Variants in MGST1 observed in about 807,000 individuals in gnomAD.
The protein encoded by MGST1 is microsomal glutathione S-transferase 1, also known as glutathione S-transferase 12.
MGST1 carries 5 observed loss-of-function variants against 8.9 expected under a neutral mutation model. The observed-to-expected ratio is 0.56, with a 90% confidence interval of 0.29 to 1.19. MGST1 has a LOEUF of 1.19. Among genes scored for constraint, MGST1 ranks in the 50% most tolerant of loss-of-function variants. MGST1 has a pLI of 0.08. For synonymous variants in MGST1, 54 were observed against 67.8 expected (o/e 0.80, Z 1.00); for missense variants, 182 against 187.4 (o/e 0.97, Z 0.17).
chr12:16,558,976 A>C (rs1389314615), intron 4 of MGST1, among the ~76,000 whole-genome samples: 1 of 152,112 alleles, frequency 6.6e-6, no homozygotes, highest in Non-Finnish European at 1.5e-5. Context: ...CACACAGCTA[A>C]TATATCAGCT....
At chr12:16,423,439 AT>A (rs1940858889) in intron 1 of MGST1, among the ~76,000 whole-genome samples, 1 of 149,874 alleles carries the variant, frequency 6.7e-6, no homozygotes, top group African/African-American at 2.4e-5. Context: ...TACAAAAAAA[AT>A]TCTTGTTGTC....
chr12:16,369,534 A>G lies in MGST1; in HGVS notation c.222-6588A>G, dbSNP rs981878119. On this transcript the variant is annotated intron_variant, in intron 3 of 3. Transcript: ENST00000535309. This position sits in a 1 kb window ranked among gnomAD's most constrained non-coding sequence, Gnocchi z 4.8. ...TCCCATGTGTCTTATCCTGTACTAC[A>G]GTGCTCAGCAAACTATGGACTCTGG... 6.6e-6 allele frequency among the ~76,000 whole-genome samples: 1 copy of G among 152,176 alleles called. No individual in the cohort carries two copies. The highest frequency in any genetic ancestry group is 1.5e-5 in the Non-Finnish European group (1 of 68,030).
intron 4 of MGST1, chr12:16,514,200 C>A: frequency 3.2e-6 from 1 of 309,520 alleles, no homozygotes; most frequent in South Asian, 3.0e-5. Context: ...ATTGTCGCTG[C>A]CAATCATACA....
At chr12:16,511,612 A>G (rs2137179631) in intron 4 of MGST1, among the ~76,000 whole-genome samples, 1 of 152,348 alleles carries the variant, frequency 6.6e-6, no homozygotes, top group African/African-American at 2.4e-5. Flanking sequence ...TGCTCCCTTT[A>G]GGCTAAGAAA....
chr12:16,432,320 A>C (rs1482102409), intron 1 of MGST1, among the ~76,000 whole-genome samples: 1 of 152,126 alleles, frequency 6.6e-6, no homozygotes, highest in Non-Finnish European at 1.5e-5. Context: ...ATTCCACCAC[A>C]ATCTCTTTGA....
intron 1 of MGST1, among the ~76,000 whole-genome samples, chr12:16,416,019 C>G (rs577275751): frequency 6.6e-6 from 1 of 152,030 alleles, no homozygotes; most frequent in South Asian, 2.1e-4. Flanking sequence ...ATTTAGTAGT[C>G]CTTTTCATGT....
downstream of MGST1, among the ~76,000 whole-genome samples, chr12:16,381,118 T>C (rs1295625487): frequency 6.6e-6 from 1 of 152,232 alleles, no homozygotes; most frequent in Admixed American, 6.5e-5. Flanking sequence ...GTCTTTTAAT[T>C]GGAGCATTTA....
downstream of MGST1, among the ~76,000 whole-genome samples, chr12:16,380,325 G>T (rs926714785): frequency 6.6e-6 from 1 of 152,186 alleles, no homozygotes; most frequent in Non-Finnish European, 1.5e-5. Context: ...GTGTGCCAGA[G>T]ATTCTGGTAT....
chr12:16,453,541 G>C (rs1266718715), intron 4 of MGST1, among the ~76,000 whole-genome samples: 1 of 151,830 alleles, frequency 6.6e-6, no homozygotes, highest in Non-Finnish European at 1.5e-5. Flanking sequence ...TATGAAATAA[G>C]GTATATCAGT....
chr12:16,409,648 T>A (rs1940727260), intron 1 of MGST1, among the ~76,000 whole-genome samples: 2 of 152,142 alleles, frequency 1.3e-5, no homozygotes, highest in African/African-American at 4.8e-5. Flanking sequence ...GGAGACAAAT[T>A]TCTAAGCCTT....
In MGST1 at chr12:16,513,863, C is replaced by A; in HGVS notation, n.483-75665C>A. ...CAAGATGTCTTTCTGCCCAAACCAA[C>A]CTGGGGAAGTCGCACACCCATCTTC... On this transcript the variant is annotated intron_variant and non_coding_transcript_variant, in intron 4 of 4. Coordinates refer to the MGST1 transcript ENST00000538857. The surrounding 1 kb of genome is among the most constrained non-coding windows in gnomAD (Gnocchi z 4.2). 1 of 612,054 alleles carries A rather than the reference C, an allele frequency of 1.6e-6. No homozygotes were observed. The highest frequency in any genetic ancestry group is 2.0e-5 in the Admixed American group (1 of 50,896). 37.9% of individuals were successfully genotyped at this position (612,054 alleles called of 1,614,324 possible).
rs1212406144 is a variant in MGST1 at position 16,437,805 on chromosome 12, C to G, written n.1196C>G. The G allele has an allele frequency of 5.9e-5, 9 of 151,890 alleles. No homozygotes were observed. In the East Asian group the frequency reaches 1.7e-3, roughly 30 times the overall value. The allele number at this position is 151,890 out of a possible 1,614,324, so 9.4% of individuals were successfully genotyped here. ...GAAACAGAATAAATGAAAATTAACG[C>G]CCCACAGATGTATTTATCCACAAAT... is the stretch of plus-strand genomic sequence containing the variant. On this transcript the variant is annotated non_coding_transcript_exon_variant, in exon 2 of 2. Transcript: ENST00000359720.
intron 1 of MGST1, among the ~76,000 whole-genome samples, chr12:16,386,678 C>T (rs932527563): frequency 6.6e-6 from 1 of 152,132 alleles, no homozygotes; most frequent in Non-Finnish European, 1.5e-5. Context: ...TTTGCGAACA[C>T]CCAAACTGTG....
At chr12:16,446,983 A>G (rs1941085479) in intron 4 of MGST1, among the ~76,000 whole-genome samples, 1 of 151,890 alleles carries the variant, frequency 6.6e-6, no homozygotes, top group Non-Finnish European at 1.5e-5. Flanking sequence ...CTCACATCAT[A>G]TAGTCTTTGC....
chr12:16,439,638 G>T (rs1481679570), downstream of MGST1, among the ~76,000 whole-genome samples: 2 of 151,742 alleles, frequency 1.3e-5, no homozygotes, highest in East Asian at 3.9e-4. Context: ...GGTAGAAGGT[G>T]CATGAAAACT....
rs1423127292 is a variant in MGST1, at chr12:16,548,211, T to TAAAC, written n.483-41315_483-41312dup. 2.6e-5 allele frequency among the ~76,000 whole-genome samples: 4 copies of TAAAC among 152,188 alleles called. No individual in the cohort carries two copies. Among genetic ancestry groups the TAAAC allele is most frequent in the African/African-American group, 9.7e-5 (4 of 41,448 alleles). ...GGTAAACGACCTAGCGCAGAGATCC[T>TAAAC]AAACATTACATTCAGAGAAACATTT... On this transcript the variant is annotated intron_variant and non_coding_transcript_variant, in intron 4 of 4. Coordinates refer to the MGST1 transcript ENST00000538857. The surrounding 1 kb of genome is among the most constrained non-coding windows in gnomAD (Gnocchi z 4.2).
rs2137335832 is a variant in MGST1, at chr12:16,560,885, A to T, written n.483-28643A>T. 1 of 233,426 alleles carries T rather than the reference A, an allele frequency of 4.3e-6. No homozygotes were observed. The highest frequency in any genetic ancestry group is 4.6e-5 in the Admixed American group (1 of 21,808). 14.5% of individuals were successfully genotyped at this position (233,426 alleles called of 1,614,324 possible). On this transcript the variant is annotated intron_variant and non_coding_transcript_variant, in intron 4 of 4. Transcript: ENST00000538857. This position sits in a 1 kb window ranked among gnomAD's most constrained non-coding sequence, Gnocchi z 5.0. The stretch of plus-strand genomic sequence containing the variant: ...ATAAAAGCAATATAACTTTGCTCTT[A>T]ATGTTATATATTAAACATTTTAGTT...
intron 1 of MGST1, among the ~76,000 whole-genome samples, chr12:16,408,624 T>C (rs1416440766): frequency 1.3e-5 from 2 of 152,174 alleles, no homozygotes; most frequent in Non-Finnish European, 2.9e-5. Flanking sequence ...TCACTGGAAA[T>C]TTTTATCCTA....
At position 16,410,669 on chromosome 12, in the gene MGST1, C is replaced by CAAATATATAATAT. The variant is rs1408735529; in HGVS notation, n.779-26703_779-26691dup. Among the ~76,000 whole-genome samples, 7 of 145,814 alleles carry CAAATATATAATAT rather than the reference C, an allele frequency of 4.8e-5. No individual in the cohort carries two copies. The Admixed American group carries it at 4.8e-4, about 10-fold the overall frequency. ...TATATTATATATAAACATACATAAT[C>CAAATATATAATAT]AAATATATAATATAAATATATAATA... On this transcript the variant is annotated intron_variant and non_coding_transcript_variant, in intron 1 of 1. Transcript: ENST00000359720. This position sits in a 1 kb window ranked among gnomAD's most constrained non-coding sequence, Gnocchi z 4.4.
Sources: allele counts gnomAD v4.1 joint callset (sites outside exome capture counted in the v4.1 genomes callset), GRCh38; gene constraint gnomAD v4.1.1; non-coding constraint Gnocchi (gnomAD v3.1); transcripts MANE v1.5; gene names NCBI Gene and HGNC (gene_info 2026-07-23, HGNC 2026-07-21).